The following INTS15 variants were observed in gnomAD, a reference collection of about 807,000 sequenced individuals.
INTS15 encodes the protein uncharacterized protein C7orf26.
chr7:6,602,368 G>A, the INTS15 span: 21 of 523,472 alleles, frequency 4.0e-5, no homozygotes, highest in African/African-American at 3.3e-4. Context: ...CTGTATCACC[G>A]AAAGCTCCCT....
the INTS15 span, among the ~76,000 whole-genome samples, chr7:6,595,801 G>T: frequency 6.6e-6 from 1 of 152,162 alleles, no homozygotes. Flanking sequence ...TCCCACCCCA[G>T]CCTTCCAGGT....
the INTS15 span, chr7:6,607,899 C>G: frequency 5.7e-6 from 9 of 1,586,228 alleles, no homozygotes; most frequent in Admixed American, 8.5e-5. The surrounding 1 kb of genome is among the most constrained non-coding windows in gnomAD (Gnocchi z 6.0). Flanking sequence ...GTCAGCCTAC[C>G]GTGCGCACCT....
chr7:6,594,564 A>G, the INTS15 span: 1 of 1,614,130 alleles, frequency 6.2e-7, no homozygotes, highest in Non-Finnish European at 8.5e-7. Context: ...CTGCCAGTTC[A>G]TCACCTCCGT....
chr7:6,595,290 G>A, the INTS15 span, among the ~76,000 whole-genome samples: 1 of 152,132 alleles, frequency 6.6e-6, no homozygotes, highest in Non-Finnish European at 1.5e-5. Context: ...AGCCTCCTGA[G>A]TAGTCGGGAC....
chr7:6,600,363 G>T, the INTS15 span: 259 of 1,604,656 alleles, frequency 1.6e-4, no homozygotes, highest in Non-Finnish European at 4.3e-6. Flanking sequence ...AGAGGTGGGT[G>T]CCTCCCTGGC....
chr7:6,590,477 T>G, the INTS15 span: 18 of 1,583,186 alleles, frequency 1.1e-5, no homozygotes, highest in Non-Finnish European at 1.5e-5. Context: ...CAGCCCAAGG[T>G]GCGGCCTGAG....
chr7:6,606,084 G>C, the INTS15 span, among the ~76,000 whole-genome samples: 3 of 152,202 alleles, frequency 2.0e-5, no homozygotes, highest in African/African-American at 7.2e-5. Flanking sequence ...ATCTCCGGCA[G>C]GGTGTGTACA....
At chr7:6,594,771 A>T in the INTS15 span, among the ~76,000 whole-genome samples, 1 of 152,082 alleles carries the variant, frequency 6.6e-6, no homozygotes, top group Non-Finnish European at 1.5e-5. Flanking sequence ...CCCAGGCTGG[A>T]GTGCAGTGGT....
chr7:6,599,776 G>A, the INTS15 span: 11 of 1,563,530 alleles, frequency 7.0e-6, no homozygotes, highest in Admixed American at 7.0e-5. Context: ...TCCACTTCCC[G>A]CCCCTGTCCT....
At chr7:6,607,727 C>G in the INTS15 span, 1 of 1,508,996 alleles carries the variant, frequency 6.6e-7, no homozygotes, top group Non-Finnish European at 8.8e-7. The surrounding 1 kb of genome is among the most constrained non-coding windows in gnomAD (Gnocchi z 6.0). Flanking sequence ...AGTGCTACGG[C>G]CGGAGCTCCG....
At chr7:6,596,821 C>T in the INTS15 span, among the ~76,000 whole-genome samples, 11 of 150,580 alleles carry the variant, frequency 7.3e-5, no homozygotes, top group Admixed American at 5.3e-4. Context: ...CTCGCTCTGT[C>T]GCCCAGGCTG....
At chr7:6,605,095 C>T in the INTS15 span, among the ~76,000 whole-genome samples, 1 of 152,106 alleles carries the variant, frequency 6.6e-6, no homozygotes. Flanking sequence ...TGGATTCAAG[C>T]GATTCTCCTG....
chr7:6,594,736 T>C, the INTS15 span: 1 of 876,104 alleles, frequency 1.1e-6, no homozygotes, highest in South Asian at 1.9e-5. Context: ...TTTATTTTTA[T>C]TATTTTTTGA....
the INTS15 span, among the ~76,000 whole-genome samples, chr7:6,604,400 G>T: frequency 6.6e-6 from 1 of 152,222 alleles, no homozygotes; most frequent in East Asian, 1.9e-4. Context: ...GTAACTGACT[G>T]CTGGGGAGGA....
the INTS15 span, among the ~76,000 whole-genome samples, chr7:6,594,001 CTTTTTTTTT>C: frequency 2.9e-5 from 2 of 68,938 alleles, no homozygotes; most frequent in South Asian, 5.6e-4. Context: ...AAGCCTTTAA[CTTTTTTTTT>C]TTTTTTTTTT....
chr7:6,594,961 C>G, the INTS15 span, among the ~76,000 whole-genome samples: 1 of 152,178 alleles, frequency 6.6e-6, no homozygotes, highest in South Asian at 2.1e-4. Flanking sequence ...CCCCTGATCT[C>G]AAGTGATCCA....
chr7:6,595,030 G>GTTTTTAT, the INTS15 span, among the ~76,000 whole-genome samples: 1 of 151,704 alleles, frequency 6.6e-6, no homozygotes, highest in Non-Finnish European at 1.5e-5. Context: ...GCCCAGCTGA[G>GTTTTTAT]TTTTTATTTT....
At chr7:6,590,312 G>C in the INTS15 span, 4 of 1,586,116 alleles carry the variant, frequency 2.5e-6, no homozygotes, top group Non-Finnish European at 3.4e-6. Flanking sequence ...TCGCTGCTGC[G>C]CCGCGATGCG....
the INTS15 span, among the ~76,000 whole-genome samples, chr7:6,598,126 T>G: frequency 2.0e-5 from 3 of 151,558 alleles, no homozygotes; most frequent in Non-Finnish European, 2.9e-5. Flanking sequence ...ACTGGAGAGG[T>G]GGGTATGACC....
Sources: allele counts gnomAD v4.1 joint callset (sites outside exome capture counted in the v4.1 genomes callset), GRCh38; gene constraint gnomAD v4.1.1; non-coding constraint Gnocchi (gnomAD v3.1); transcripts MANE v1.5; gene names NCBI Gene and HGNC (gene_info 2026-07-23, HGNC 2026-07-21).